DPP10: variants seen among roughly 807,000 people sequenced by gnomAD.
DPP10 encodes the protein inactive dipeptidyl peptidase 10.
Under a neutral mutation model 120.9 loss-of-function variants are expected in DPP10, and 33 were observed. The observed-to-expected ratio is 0.27, with a 90% CI of 0.21 to 0.37. The LOEUF is 0.37. Ranked by LOEUF, DPP10 falls within the 10% of genes least tolerant of loss-of-function variation. The probability of loss-of-function intolerance (pLI) is 1.00; values close to 1 mark genes in which losing one functional copy is unlikely to be tolerated. For missense variants in DPP10, 816 were observed against 942.8 expected (o/e 0.87, Z 1.76); for synonymous variants, 337 against 326.1 (o/e 1.03, Z -0.36).
chr2:115,225,135 T>G (rs1450462437), intron 1 of DPP10, among the ~76,000 whole-genome samples: 1 of 152,186 alleles, frequency 6.6e-6, no homozygotes. Flanking sequence ...TGATAAATTC[T>G]TAAGGCATTT....
chr2:115,841,703 A>G (rs1690166716), intron 25 of DPP10, among the ~76,000 whole-genome samples: 1 of 152,228 alleles, frequency 6.6e-6, no homozygotes, highest in East Asian at 1.9e-4. Context: ...TTTGTATTTT[A>G]GAAACAGTAA....
chr2:115,495,365 G>GAAAA (rs3039998), intron 3 of DPP10, among the ~76,000 whole-genome samples: 6,597 of 81,956 alleles, frequency 0.08, 531 homozygotes, highest in African/African-American at 0.11. Context: ...GCCATTTTCT[G>GAAAA]AAAAAAAAAA....
intron 5 of DPP10, among the ~76,000 whole-genome samples, chr2:115,665,108 C>T (rs1481096389): frequency 6.6e-6 from 1 of 152,154 alleles, no homozygotes; most frequent in Non-Finnish European, 1.5e-5. Flanking sequence ...GCTTGAAATA[C>T]TCTGGTGACA....
At chr2:114,539,480 T>C (rs1232111596) in intron 1 of DPP10, among the ~76,000 whole-genome samples, 2 of 152,132 alleles carry the variant, frequency 1.3e-5, no homozygotes, top group Non-Finnish European at 2.9e-5. Context: ...CATGCTTCAG[T>C]CCCCTAAACG....
intron 1 of DPP10, among the ~76,000 whole-genome samples, chr2:115,255,755 A>G (rs1216496851): frequency 6.6e-6 from 1 of 152,144 alleles, no homozygotes; most frequent in Non-Finnish European, 1.5e-5. Context: ...TCCGTTTCCA[A>G]CAAGTTCTTA....
intron 5 of DPP10, among the ~76,000 whole-genome samples, chr2:115,630,480 T>C (rs1458972835): frequency 2.6e-5 from 4 of 152,220 alleles, no homozygotes; most frequent in Non-Finnish European, 5.9e-5. Context: ...CCTTGTCTTG[T>C]GCTGATTTGC....
chr2:115,768,061 A>T (rs1222504659), intron 12 of DPP10, among the ~76,000 whole-genome samples: 1 of 152,196 alleles, frequency 6.6e-6, no homozygotes, highest in African/African-American at 2.4e-5. Flanking sequence ...CATATCCACC[A>T]TGCACAAATT....
intron 3 of DPP10, among the ~76,000 whole-genome samples, chr2:115,347,067 A>T (rs1356896289): frequency 6.6e-6 from 1 of 152,218 alleles, no homozygotes; most frequent in African/African-American, 2.4e-5. Context: ...ACAAAAGACC[A>T]GTTAAAAAGA....
intron 5 of DPP10, among the ~76,000 whole-genome samples, chr2:115,616,022 T>A (rs2084468031): frequency 6.6e-6 from 1 of 152,168 alleles, no homozygotes; most frequent in African/African-American, 2.4e-5. Flanking sequence ...TTTGCTTAAA[T>A]TCAATGATTA....
chr2:114,716,500 G>A (rs987953791), intron 1 of DPP10, among the ~76,000 whole-genome samples: 2 of 152,230 alleles, frequency 1.3e-5, no homozygotes. Context: ...CTGTACACAG[G>A]AAACTGGGCT....
At chr2:114,679,115 C>T (rs897245863) in intron 1 of DPP10, among the ~76,000 whole-genome samples, 1 of 152,008 alleles carries the variant, frequency 6.6e-6, no homozygotes, top group African/African-American at 2.4e-5. Flanking sequence ...GATTACACCC[C>T]AGTGGTTCAT....
chr2:115,458,031 G>A (rs549207330), intron 3 of DPP10, among the ~76,000 whole-genome samples: 7 of 152,128 alleles, frequency 4.6e-5, no homozygotes, highest in Non-Finnish European at 8.8e-5. Flanking sequence ...AAAACATTAT[G>A]CTGATTAAAA....
chr2:114,987,767 C>T (rs1293152082), intron 1 of DPP10, among the ~76,000 whole-genome samples: 2 of 143,222 alleles, frequency 1.4e-5, no homozygotes, highest in African/African-American at 5.1e-5. Context: ...TTTCTCACTA[C>T]TAGTACAAGA....
chr2:114,936,850 G>A (rs1409635189), intron 1 of DPP10, among the ~76,000 whole-genome samples: 1 of 152,124 alleles, frequency 6.6e-6, no homozygotes. Context: ...TAGTAATACT[G>A]AGCATTTTTA....
intron 5 of DPP10, among the ~76,000 whole-genome samples, chr2:115,658,257 A>G (rs188891888): frequency 3.9e-5 from 6 of 152,072 alleles, no homozygotes; most frequent in Non-Finnish European, 5.9e-5. Flanking sequence ...ATTGATATGC[A>G]TCTAATAGAG....
chr2:114,765,475 G>A (rs1680631103), intron 1 of DPP10, among the ~76,000 whole-genome samples: 1 of 152,186 alleles, frequency 6.6e-6, no homozygotes, highest in Admixed American at 6.5e-5. Flanking sequence ...TAGGGCACAA[G>A]TACAACAAAT....
At chr2:114,713,433 T>C (rs571940771) in intron 1 of DPP10, among the ~76,000 whole-genome samples, 1 of 152,322 alleles carries the variant, frequency 6.6e-6, no homozygotes, top group Non-Finnish European at 1.5e-5. Flanking sequence ...ACTAAGTCAA[T>C]GTCAACTTAG....
At chr2:115,348,978 C>T (rs1359758371) in intron 3 of DPP10, among the ~76,000 whole-genome samples, 1 of 152,102 alleles carries the variant, frequency 6.6e-6, no homozygotes, top group Non-Finnish European at 1.5e-5. Flanking sequence ...AGTAAGATAA[C>T]AACACTCTTA....
chr2:115,051,411 T>C (rs1282976550), intron 1 of DPP10, among the ~76,000 whole-genome samples: 1 of 151,882 alleles, frequency 6.6e-6, no homozygotes, highest in Non-Finnish European at 1.5e-5. Context: ...AATAAGGCAT[T>C]CCATAATAAA....
Sources: gnomAD v4.1 joint callset for allele counts (sites outside exome capture counted in the v4.1 genomes callset) on GRCh38, gnomAD v4.1.1 for gene constraint, MANE v1.5 for transcripts, NCBI Gene and HGNC (gene_info 2026-07-23, HGNC 2026-07-21) for gene names.